The following RAP1GAP2 variants were observed in gnomAD, a reference collection of about 807,000 sequenced individuals.
RAP1GAP2 encodes rap1 GTPase-activating protein 2.
RAP1GAP2 carries 27 observed loss-of-function variants against 95.0 expected under a neutral mutation model. The ratio of observed to expected loss-of-function variants is 0.28; its 90% CI spans 0.21 to 0.39. RAP1GAP2 has a LOEUF of 0.39. Ranked by LOEUF, RAP1GAP2 falls within the 10% of genes least tolerant of loss-of-function variation. The pLI is 1.00. For missense variants in RAP1GAP2, 771 were observed against 970.0 expected (o/e 0.79, Z 2.72); for synonymous variants, 373 against 380.9 (o/e 0.98, Z 0.24).
intron 3 of RAP1GAP2, among the ~76,000 whole-genome samples, chr17:2,909,084 A>G (rs1318888928): frequency 6.6e-6 from 1 of 152,090 alleles, no homozygotes; most frequent in Non-Finnish European, 1.5e-5. Context: ...AACATCTGGG[A>G]GCCCTTCTCC....
At chr17:2,929,813 G>A (rs1007419281) in intron 3 of RAP1GAP2, among the ~76,000 whole-genome samples, 1 of 152,178 alleles carries the variant, frequency 6.6e-6, no homozygotes, top group African/African-American at 2.4e-5. Context: ...AGGAGATGAC[G>A]GTCCTGAGGG....
At chr17:2,775,207 C>T (rs1245634530), upstream of RAP1GAP2, among the ~76,000 whole-genome samples, 1 of 152,108 alleles carries the variant, frequency 6.6e-6, no homozygotes, top group Non-Finnish European at 1.5e-5. Flanking sequence ...CTGGGTCAGG[C>T]CCTCAAGGAA....
chr17:2,890,594 C>T (rs138557917), intron 2 of RAP1GAP2, among the ~76,000 whole-genome samples: 39 of 152,030 alleles, frequency 2.6e-4, no homozygotes, highest in African/African-American at 6.5e-4. Context: ...TTGGGCTTGC[C>T]GGGAATTCAG....
chr17:2,976,027 A>G lies in RAP1GAP2; in HGVS notation c.597-4260A>G, dbSNP rs190934018. 1.7e-4 allele frequency among the ~76,000 whole-genome samples: 26 copies of G among 152,180 alleles called. No homozygotes were observed. In the East Asian group the frequency reaches 2.1e-3, roughly 12 times the overall value. On this transcript the variant is annotated intron_variant, in intron 8 of 24. Transcript: ENST00000254695. ...GATGTTCCGTGAACACGCTCTGTTC[A>G]CCCGGAATATCTAACAGTCATTAAC...
intron 3 of RAP1GAP2, among the ~76,000 whole-genome samples, chr17:2,914,571 A>G (rs566968109): frequency 3.0e-3 from 462 of 151,934 alleles, no homozygotes; most frequent in Non-Finnish European, 5.1e-3. Context: ...GCTCACTGCA[A>G]GCTCTGCCTC....
At chr17:2,967,185 G>A (rs1022989802) in intron 8 of RAP1GAP2, among the ~76,000 whole-genome samples, 29 of 152,122 alleles carry the variant, frequency 1.9e-4, no homozygotes, top group East Asian at 5.8e-4. Context: ...TGGCTAACAC[G>A]GTGAAACCCC....
chr17:2,887,900 C>T (rs1168717767), intron 2 of RAP1GAP2, among the ~76,000 whole-genome samples: 1 of 152,078 alleles, frequency 6.6e-6, no homozygotes, highest in African/African-American at 2.4e-5. Flanking sequence ...TCTTGAACTC[C>T]TGACCTCAGG....
At chr17:2,882,343 G>A (rs1484782435) in intron 2 of RAP1GAP2, among the ~76,000 whole-genome samples, 1 of 149,750 alleles carries the variant, frequency 6.7e-6, no homozygotes, top group African/African-American at 2.5e-5. Flanking sequence ...CCAGGGTGGA[G>A]TGCAGTGGCA....
At chr17:2,911,209 C>T (rs2042368777) in intron 3 of RAP1GAP2, among the ~76,000 whole-genome samples, 1 of 151,972 alleles carries the variant, frequency 6.6e-6, no homozygotes. Context: ...CCTGCTGCTA[C>T]CCGACCTATA....
At chr17:2,824,120 CAA>C (rs71150900) in intron 2 of RAP1GAP2, among the ~76,000 whole-genome samples, 115 of 105,398 alleles carry the variant, frequency 1.1e-3, no homozygotes, top group Middle Eastern at 6.2e-3. Context: ...AAGACTGTCT[CAA>C]AAAAAAAAAA....
intron 3 of RAP1GAP2, among the ~76,000 whole-genome samples, chr17:2,944,952 G>A (rs910157375): frequency 1.3e-5 from 2 of 151,940 alleles, no homozygotes; most frequent in African/African-American, 4.8e-5. Context: ...GCACTATCTC[G>A]GCTCACTGCA....
chr17:2,963,281 C>G lies in RAP1GAP2; in HGVS notation c.247-149C>G, dbSNP rs918888250. The G allele has an allele frequency of 3.7e-5, 33 of 885,996 alleles. No individual in the cohort carries two copies. In the African/African-American group the frequency reaches 4.3e-4, roughly 11 times the overall value. 54.9% of individuals were successfully genotyped at this position (885,996 alleles called of 1,614,324 possible). On this transcript the variant is annotated intron_variant, in intron 5 of 24. Coordinates refer to ENST00000254695, the MANE Select transcript of RAP1GAP2 (RefSeq NM_015085.5). The surrounding 1 kb of genome is among the most constrained non-coding windows in gnomAD (Gnocchi z 4.8). ...AGAAGAACATGGGGGATGTTAGATT[C>G]CAGAGCTGATTCTGAGCTGTTCTTC...
intron 4 of RAP1GAP2, chr17:2,962,455 G>T: frequency 1.9e-6 from 1 of 529,810 alleles, no homozygotes; most frequent in Non-Finnish European, 3.3e-6. Flanking sequence ...CGGCGATCTG[G>T]CTCAAGTCTA....
chr17:2,805,949 T>C (rs1314265026), intron 2 of RAP1GAP2, among the ~76,000 whole-genome samples: 1 of 152,096 alleles, frequency 6.6e-6, no homozygotes, highest in African/African-American at 2.4e-5. Context: ...CATTGCCTTG[T>C]AGGAAAAAAA....
chr17:3,004,609 G>A lies in RAP1GAP2; in HGVS notation c.1201-760G>A, dbSNP rs1453937307. Among the ~76,000 whole-genome samples the A allele has an allele frequency of 2.0e-5, 3 of 152,230 alleles. No homozygotes were observed. Among genetic ancestry groups the A allele is most frequent in the East Asian group, 1.9e-4 (1 of 5,198 alleles). On this transcript the variant is annotated intron_variant, in intron 14 of 24. Coordinates refer to ENST00000254695, the MANE Select transcript of RAP1GAP2 (RefSeq NM_015085.5). The surrounding 1 kb of genome is among the most constrained non-coding windows in gnomAD (Gnocchi z 4.1). Reference sequence around the variant, plus strand: ...GGGCGACCCCCATGCAGCGAACCTCGAGGCCGTCACTCTAAAGCTCAGTCT... The same window carrying A: ...GGGCGACCCCCATGCAGCGAACCTCAAGGCCGTCACTCTAAAGCTCAGTCT...
At chr17:2,943,466 A>G (rs2151436768) in intron 3 of RAP1GAP2, among the ~76,000 whole-genome samples, 1 of 152,206 alleles carries the variant, frequency 6.6e-6, no homozygotes, top group East Asian at 1.9e-4. Context: ...TGAGGTCAGG[A>G]GTTCAAGACC....
rs1036592400 is a variant in RAP1GAP2 at position 3,037,375 on chromosome 17, C to A, written c.*4014C>A. ...TGGAAGTGTGAACTACCCCCCCCCCCCCGCTTCCTGCTCCTTAGCATGCGT... is the reference window on the plus strand; with the variant it reads ...TGGAAGTGTGAACTACCCCCCCCCCACCGCTTCCTGCTCCTTAGCATGCGT... On this transcript the variant is annotated 3_prime_UTR_variant, in exon 25 of 25. Coordinates refer to ENST00000254695, the MANE Select transcript of RAP1GAP2 (RefSeq NM_015085.5). The A allele has an allele frequency of 2.8e-4, 23 of 81,766 alleles. 3 individuals are homozygous for A. The highest frequency in any genetic ancestry group is 7.1e-4 in the African/African-American group (23 of 32,342). The allele number at this position is 81,766 out of a possible 1,614,324, so 5.1% of individuals were successfully genotyped here. A position where few individuals can be genotyped will look rare whatever the true frequency, so the allele number is the denominator to read the frequency against.
intron 24 of RAP1GAP2, 47 bp downstream of exon 24, chr17:3,032,496 T>A: frequency 6.4e-7 from 1 of 1,567,596 alleles, no homozygotes; most frequent in Admixed American, 1.7e-5. Context: ...GGGACGTGTG[T>A]TTCTTTTAGA....
chr17:2,870,466 G>A lies in RAP1GAP2; in HGVS notation c.81-34818G>A, dbSNP rs1276605477. On this transcript the variant is annotated intron_variant, in intron 2 of 24. Coordinates refer to ENST00000254695, the MANE Select transcript of RAP1GAP2 (RefSeq NM_015085.5). The surrounding 1 kb of genome is among the most constrained non-coding windows in gnomAD (Gnocchi z 4.4). ...TGTTTATTATATTTTAAAAATCCTT[G>A]TTCCTTGCAGAAAATTTGGAAAACA... Among the ~76,000 whole-genome samples the A allele has an allele frequency of 6.6e-6, 1 of 152,068 alleles. No individual in the cohort carries two copies. Among genetic ancestry groups the A allele is most frequent in the Non-Finnish European group, 1.5e-5 (1 of 68,014 alleles).
Sources: allele counts gnomAD v4.1 joint callset (sites outside exome capture counted in the v4.1 genomes callset), GRCh38; gene constraint gnomAD v4.1.1; non-coding constraint Gnocchi (gnomAD v3.1); transcripts MANE v1.5; gene names NCBI Gene and HGNC (gene_info 2026-07-23, HGNC 2026-07-21).